The following ZSCAN4 variants were observed in gnomAD, a reference collection of about 807,000 sequenced individuals.
ZSCAN4 encodes zinc finger and SCAN domain containing 4, also known as zinc finger and SCAN domain-containing protein 4.
Under a neutral mutation model 18.3 loss-of-function variants are expected in ZSCAN4, and 18 were observed. That is an observed-to-expected ratio of 0.98 (90% CI 0.68 to 1.46). The LOEUF is 1.46. ZSCAN4 is among the 40% of genes most tolerant of loss of function. The pLI is 0.00. For synonymous variants in ZSCAN4, 193 were observed against 180.3 expected (o/e 1.07, Z -0.57); for missense variants, 498 against 511.4 (o/e 0.97, Z 0.25).
intron 2 of ZSCAN4, among the ~76,000 whole-genome samples, chr19:57,671,385 T>C (rs553624367): frequency 6.6e-6 from 1 of 151,466 alleles, no homozygotes; most frequent in Non-Finnish European, 1.5e-5. Flanking sequence ...ACGGAGTGCA[T>C]GTCTCCAAGT....
the ZSCAN4 span, among the ~76,000 whole-genome samples, chr19:57,652,142 G>A: frequency 6.6e-5 from 10 of 151,964 alleles, no homozygotes; most frequent in Non-Finnish European, 1.3e-4. Flanking sequence ...CCACCAATAT[G>A]GGGCAGGGCT....
intron 1 of ZSCAN4, 77 bp from the exon 2 acceptor site, chr19:57,670,168 G>C (rs564429771): frequency 2.0e-5 from 3 of 152,516 alleles, no homozygotes; most frequent in Admixed American, 6.5e-5. Flanking sequence ...CTCCCAAAGT[G>C]CTGAGATTAC....
At chr19:57,678,203 G>A (rs267605732) in exon 5 of ZSCAN4, 9 of 1,613,960 alleles carry the variant, frequency 5.6e-6, no homozygotes, top group Non-Finnish European at 6.8e-6. Flanking sequence ...ACAGTTCTTC[G>A]AAAACTACTC....
exon 5 of ZSCAN4, chr19:57,678,212 T>C: frequency 1.2e-6 from 2 of 1,614,182 alleles, no homozygotes; most frequent in Non-Finnish European, 1.7e-6. Context: ...CGAAAACTAC[T>C]CGAGTAAATG....
chr19:57,657,093 A>G, the ZSCAN4 span, among the ~76,000 whole-genome samples: 1 of 152,150 alleles, frequency 6.6e-6, no homozygotes, highest in Non-Finnish European at 1.5e-5. Context: ...TAAAAATACA[A>G]AAATTATCCG....
chr19:57,666,783 G>A (rs1169233932), upstream of ZSCAN4, among the ~76,000 whole-genome samples: 7 of 152,002 alleles, frequency 4.6e-5, no homozygotes, highest in African/African-American at 1.7e-4. Context: ...CTCTGGGTGC[G>A]GAAGTTGCAG....
At chr19:57,678,959 A>C (rs1984281158) in exon 5 of ZSCAN4, 1 of 1,485,264 alleles carries the variant, frequency 6.7e-7, no homozygotes, top group Admixed American at 2.3e-5. Flanking sequence ...ATATTCCTAT[A>C]GTATTTATCT....
chr19:57,675,740 C>G (rs1416223794), intron 2 of ZSCAN4, among the ~76,000 whole-genome samples: 3 of 152,066 alleles, frequency 2.0e-5, no homozygotes, highest in Non-Finnish European at 4.4e-5. Context: ...GAATTTTAAC[C>G]CAAACTTCCT....
At chr19:57,665,298 T>C (rs965313744), upstream of ZSCAN4, among the ~76,000 whole-genome samples, 2 of 152,192 alleles carry the variant, frequency 1.3e-5, no homozygotes, top group African/African-American at 4.8e-5. Flanking sequence ...TCAGTTCTGA[T>C]ACTTTTCCTG....
At chr19:57,654,171 A>G in the ZSCAN4 span, among the ~76,000 whole-genome samples, 2 of 152,214 alleles carry the variant, frequency 1.3e-5, no homozygotes, top group South Asian at 4.2e-4. Flanking sequence ...GCCCCCTATT[A>G]TGTAACCTAG....
chr19:57,668,330 G>A (rs972593136), upstream of ZSCAN4, among the ~76,000 whole-genome samples: 3 of 151,962 alleles, frequency 2.0e-5, no homozygotes, highest in Non-Finnish European at 4.4e-5. Context: ...GGCTCTTGAT[G>A]GGAGCAGGGA....
At chr19:57,654,066 A>T in the ZSCAN4 span, among the ~76,000 whole-genome samples, 2 of 152,176 alleles carry the variant, frequency 1.3e-5, no homozygotes, top group African/African-American at 2.4e-5. Flanking sequence ...ACTGGGCAAC[A>T]TACTCAGTTC....
At chr19:57,653,827 G>A in the ZSCAN4 span, among the ~76,000 whole-genome samples, 1 of 152,278 alleles carries the variant, frequency 6.6e-6, no homozygotes, top group Admixed American at 6.5e-5. Context: ...TCAAAACCTT[G>A]CCCCATCTGT....
chr19:57,659,573 T>C, the ZSCAN4 span, among the ~76,000 whole-genome samples: 3 of 152,176 alleles, frequency 2.0e-5, no homozygotes, highest in Non-Finnish European at 4.4e-5. Flanking sequence ...AATAAATAGT[T>C]TTTGAAACAC....
At chr19:57,665,420 C>T (rs1174327624), upstream of ZSCAN4, among the ~76,000 whole-genome samples, 1 of 152,072 alleles carries the variant, frequency 6.6e-6, no homozygotes, top group Non-Finnish European at 1.5e-5. Flanking sequence ...CAGGGAGGCA[C>T]CTGGTATCTC....
chr19:57,655,227 T>G, the ZSCAN4 span, among the ~76,000 whole-genome samples: 4 of 152,284 alleles, frequency 2.6e-5, no homozygotes, highest in Non-Finnish European at 5.9e-5. Flanking sequence ...GATTCCCAAC[T>G]TGCTGACCAA....
chr19:57,677,919 C>T (rs9676604), exon 4 of ZSCAN4: 241,435 of 1,535,614 alleles, frequency 0.16, 19,530 homozygotes, highest in East Asian at 0.25. Context: ...TACAGGTCCA[C>T]GTCCACATGC....
intron 2 of ZSCAN4, among the ~76,000 whole-genome samples, chr19:57,673,916 G>A (rs1984100627): frequency 6.6e-6 from 1 of 152,082 alleles, no homozygotes; most frequent in Non-Finnish European, 1.5e-5. Context: ...ACCACATCTG[G>A]CTAATTTTTA....
chr19:57,678,984 A>G, exon 5 of ZSCAN4: 1 of 1,403,676 alleles, frequency 7.1e-7, no homozygotes, highest in Non-Finnish European at 9.4e-7. Flanking sequence ...AGGATATAAG[A>G]TATAATCTCC....
Sources: allele counts gnomAD v4.1 joint callset (sites outside exome capture counted in the v4.1 genomes callset), GRCh38; gene constraint gnomAD v4.1.1; transcripts MANE v1.5; gene names NCBI Gene and HGNC (gene_info 2026-07-23, HGNC 2026-07-21).